The following TPO variants were observed in gnomAD, a reference collection of about 807,000 sequenced individuals.
The protein encoded by TPO is thyroid peroxidase, also known as thyroid microsomal antigen.
A neutral mutation model predicts 96.9 loss-of-function variants in TPO; 78 were observed. The ratio of observed to expected loss-of-function variants is 0.81; its 90% CI spans 0.67 to 0.97. The LOEUF (loss-of-function observed/expected upper bound fraction) is 0.97, where lower values mean the gene tolerates loss of function less well. Ranked by LOEUF, TPO falls within the 50% of genes least tolerant of loss-of-function variation. The probability of loss-of-function intolerance (pLI) is 0.00; values close to 1 mark genes in which losing one functional copy is unlikely to be tolerated. For synonymous variants in TPO, 547 were observed against 538.0 expected, an observed-to-expected ratio of 1.02 and a Z score of -0.23; for missense variants, 1,252 against 1,274.8, an observed-to-expected ratio of 0.98 and a Z score of 0.27.
chr2:1,501,633 C>CGGGT (rs1196446553), intron 13 of TPO, among the ~76,000 whole-genome samples: 1 of 152,176 alleles, frequency 6.6e-6, no homozygotes, highest in African/African-American at 2.4e-5. Flanking sequence ...GTGAGGCTGT[C>CGGGT]GGGTGCATCC....
chr2:1,436,484 A>G, intron 5 of TPO, 100 bp downstream of exon 5: 1 of 1,563,778 alleles, frequency 6.4e-7, no homozygotes, highest in Admixed American at 1.8e-5. Context: ...GTGGATCTGT[A>G]TCCACCCCTG....
rs906977395 is a variant in TPO at position 1,542,888 on chromosome 2, C to T, written c.*414C>T. The T allele has an allele frequency of 3.1e-6, 1 of 318,994 alleles. No individual in the cohort carries two copies. Among genetic ancestry groups the T allele is most frequent in the Non-Finnish European group, 6.0e-6 (1 of 166,852 alleles). 19.8% of individuals were successfully genotyped at this position (318,994 alleles called of 1,614,324 possible). A position where few individuals can be genotyped will look rare whatever the true frequency, so the allele number is the denominator to read the frequency against. ...GCCCATCACCAGGTGTCCACAGGGC[C>T]TACATCTGGCTTCCCTCTTCTCCTG... On this transcript the variant is annotated 3_prime_UTR_variant, in exon 17 of 17. Transcript: ENST00000329066.
intron 1 of TPO, among the ~76,000 whole-genome samples, chr2:1,402,246 G>T (rs1444856921): frequency 1.3e-5 from 2 of 152,216 alleles, no homozygotes; most frequent in Admixed American, 6.5e-5. Flanking sequence ...GCTGCGGTCG[G>T]CATCCACGGG....
intron 5 of TPO, 144 bp from the exon 6 acceptor site, chr2:1,453,550 T>C: frequency 7.6e-7 from 1 of 1,316,368 alleles, no homozygotes; most frequent in South Asian, 1.2e-5. Flanking sequence ...AGGAGGCCTT[T>C]CGGGTCTTCT....
chr2:1,483,631 C>A (rs557829586), intron 8 of TPO, among the ~76,000 whole-genome samples: 1 of 152,270 alleles, frequency 6.6e-6, no homozygotes, highest in Non-Finnish European at 1.5e-5. Flanking sequence ...GGATGCTGAC[C>A]CATAGCACAG....
At chr2:1,430,996 C>A (rs1261443734) in intron 3 of TPO, among the ~76,000 whole-genome samples, 1 of 152,116 alleles carries the variant, frequency 6.6e-6, no homozygotes, top group Admixed American at 6.5e-5. Context: ...CTTTGGGGGA[C>A]TGTTGCGAAT....
intron 6 of TPO, 60 bp downstream of exon 6, chr2:1,453,883 G>A: frequency 1.2e-6 from 2 of 1,611,566 alleles, no homozygotes; most frequent in South Asian, 1.1e-5. Flanking sequence ...GCTGAGGGAG[G>A]GAAATAGCCT....
At position 1,478,267 on chromosome 2, in the gene TPO, C is replaced by A. The variant is rs941581320; in HGVS notation, c.1338+663C>A. 4 of 985,314 alleles carry A rather than the reference C, an allele frequency of 4.1e-6. No homozygotes were observed. In the African/African-American group the frequency reaches 7.0e-5, roughly 17 times the overall value. The allele number at this position is 985,314 out of a possible 1,614,324, so 61.0% of individuals were successfully genotyped here. A position where few individuals can be genotyped will look rare whatever the true frequency, so the allele number is the denominator to read the frequency against. Reference sequence around the variant, plus strand: ...GCACTTATGCACCTGGAAATGCGGTCCCTGACTCTAGGGGTCTCACAGGTT... The same window carrying A: ...GCACTTATGCACCTGGAAATGCGGTACCTGACTCTAGGGGTCTCACAGGTT... On this transcript the variant is annotated intron_variant, in intron 8 of 16. Transcript: ENST00000329066.
At chr2:1,527,053 C>A (rs62117028) in intron 15 of TPO, among the ~76,000 whole-genome samples, 40,681 of 125,560 alleles carry the variant, frequency 0.32, 6,856 homozygotes, top group South Asian at 0.4. Context: ...CTGTGAGCAA[C>A]CTCCTCAAAT....
chr2:1,426,308 CCAGGA>C, intron 3 of TPO, among the ~76,000 whole-genome samples: 1 of 150,228 alleles, frequency 6.7e-6, no homozygotes, highest in South Asian at 2.1e-4. Context: ...GTTCTAGATG[CCAGGA>C]TACAGAGATG....
intron 16 of TPO, chr2:1,541,998 C>A: frequency 4.3e-6 from 1 of 230,264 alleles, no homozygotes; most frequent in Non-Finnish European, 8.6e-6. Context: ...GGAAGTGAGG[C>A]TCTTTGTGAA....
At chr2:1,487,610 G>A (rs562416645) in intron 9 of TPO, among the ~76,000 whole-genome samples, 6 of 152,256 alleles carry the variant, frequency 3.9e-5, no homozygotes, top group Admixed American at 3.3e-4. Flanking sequence ...GGTAGCGGGC[G>A]CCTGTAGTCC....
intron 16 of TPO, chr2:1,541,443 G>A (rs1448200165): frequency 6.3e-5 from 10 of 158,642 alleles, no homozygotes; most frequent in Admixed American, 2.4e-4. Flanking sequence ...CTGCAGCTTC[G>A]ACCCTCCTGC....
chr2:1,389,737 C>T (rs1426517545), intron 1 of TPO, among the ~76,000 whole-genome samples: 3 of 152,144 alleles, frequency 2.0e-5, no homozygotes, highest in Non-Finnish European at 2.9e-5. Flanking sequence ...GGCTTTTCCT[C>T]CCTTGCTTGT....
chr2:1,413,088 G>A (rs1662526504), upstream of TPO, among the ~76,000 whole-genome samples: 2 of 152,146 alleles, frequency 1.3e-5, no homozygotes, highest in African/African-American at 2.4e-5. Flanking sequence ...GTCATCGGTG[G>A]GCCTGGGAGC....
chr2:1,523,105 C>T (rs1325100397), intron 15 of TPO, among the ~76,000 whole-genome samples: 3 of 147,818 alleles, frequency 2.0e-5, no homozygotes, highest in East Asian at 2.0e-4. Flanking sequence ...AAATCCTGCG[C>T]ACTCTGTGCA....
chr2:1,483,008 G>A (rs1240400505), intron 8 of TPO, among the ~76,000 whole-genome samples: 1 of 152,184 alleles, frequency 6.6e-6, no homozygotes, highest in African/African-American at 2.4e-5. Flanking sequence ...GGCCCCATTG[G>A]TCAGAACAAT....
intron 16 of TPO, chr2:1,541,095 G>T: frequency 8.3e-7 from 1 of 1,203,194 alleles, no homozygotes; most frequent in Non-Finnish European, 1.1e-6. Context: ...TATAATCAGT[G>T]TGGAAAAATG....
At chr2:1,423,264 A>G (rs1022493378) in intron 3 of TPO, 135 bp downstream of exon 3, 6 of 787,224 alleles carry the variant, frequency 7.6e-6, no homozygotes, top group Admixed American at 2.0e-5. Context: ...TTACTTCCCC[A>G]GTGTCATGTG....
Sources: allele counts gnomAD v4.1 joint callset (sites outside exome capture counted in the v4.1 genomes callset), GRCh38; gene constraint gnomAD v4.1.1; transcripts MANE v1.5; gene names NCBI Gene and HGNC (gene_info 2026-07-23, HGNC 2026-07-21).